The following KHDRBS2 variants were observed in gnomAD, a reference collection of about 807,000 sequenced individuals.
KHDRBS2 encodes the protein KH RNA binding domain containing, signal transduction associated 2.
Under a neutral mutation model 44.3 loss-of-function variants are expected in KHDRBS2, and 26 were observed. The observed-to-expected ratio is 0.59, with a 90% CI of 0.43 to 0.81. KHDRBS2 has a LOEUF of 0.81. KHDRBS2 is among the 40% of genes least tolerant of loss of function. The probability of loss-of-function intolerance (pLI) is 0.00; values close to 1 mark genes in which losing one functional copy is unlikely to be tolerated. For synonymous variants in KHDRBS2, 194 were observed against 151.1 expected, an observed-to-expected ratio of 1.28 and a Z score of -2.08; for missense variants, 476 against 433.1, an observed-to-expected ratio of 1.10 and a Z score of -0.88.
chr6:62,222,395 G>A (rs1831052930), intron 1 of KHDRBS2, among the ~76,000 whole-genome samples: 1 of 152,086 alleles, frequency 6.6e-6, no homozygotes, highest in Non-Finnish European at 1.5e-5. Context: ...CATGGCGGGA[G>A]GTGAAAAGCA....
At chr6:62,275,030 C>CAA (rs996105173) in intron 1 of KHDRBS2, among the ~76,000 whole-genome samples, 4 of 151,426 alleles carry the variant, frequency 2.6e-5, no homozygotes, top group Non-Finnish European at 5.9e-5. Flanking sequence ...CACACACACA[C>CAA]ACACACACAC....
chr6:61,950,327 G>A (rs991766533), intron 4 of KHDRBS2, among the ~76,000 whole-genome samples: 8 of 151,982 alleles, frequency 5.3e-5, no homozygotes, highest in African/African-American at 1.9e-4. Context: ...AATCACTACT[G>A]ATATCACCAA....
intron 1 of KHDRBS2, among the ~76,000 whole-genome samples, chr6:62,190,381 G>T (rs769380161): frequency 6.6e-6 from 1 of 152,120 alleles, no homozygotes; most frequent in Non-Finnish European, 1.5e-5. Flanking sequence ...CTACACCTCA[G>T]TAGGGTTACC....
At chr6:61,997,863 G>A (rs923005017) in intron 3 of KHDRBS2, among the ~76,000 whole-genome samples, 2 of 152,096 alleles carry the variant, frequency 1.3e-5, no homozygotes, top group Non-Finnish European at 2.9e-5. Flanking sequence ...GAAATGTACA[G>A]TACTACAGAA....
intron 2 of KHDRBS2, among the ~76,000 whole-genome samples, chr6:62,138,273 G>A (rs753300295): frequency 3.3e-5 from 5 of 152,150 alleles, no homozygotes; most frequent in Non-Finnish European, 7.4e-5. Flanking sequence ...AATTGCCACT[G>A]TTTTTCAACA....
chr6:61,954,589 T>TGTATATACACATACATACTTATGTATAC (rs1765709504), intron 4 of KHDRBS2, among the ~76,000 whole-genome samples: 2 of 139,148 alleles, frequency 1.4e-5, no homozygotes, highest in Non-Finnish European at 3.1e-5. Context: ...CATATTTATG[T>TGTATATACACATACATACTTATGTATAC]ATATATACAC....
Position 62,231,578 on chromosome 6 carries a change from G to A in KHDRBS2, c.92-54266C>T, listed in dbSNP as rs146956653. On this transcript the variant is annotated intron_variant, in intron 1 of 8. Transcript: ENST00000281156. ...CACAAGAGCCAAACCATATTACCCC[G>A]CAATATAAAACATGCCAAGATTATT... is the stretch of plus-strand genomic sequence containing the variant. Among the ~76,000 whole-genome samples the A allele has an allele frequency of 5.5e-4, 83 of 152,078 alleles. 1 individual carries two copies. Among genetic ancestry groups the A allele is most frequent in the African/African-American group, 1.7e-3 (70 of 41,480 alleles).
At chr6:62,044,246 C>T (rs764025623) in intron 3 of KHDRBS2, among the ~76,000 whole-genome samples, 1 of 151,928 alleles carries the variant, frequency 6.6e-6, no homozygotes, top group South Asian at 2.1e-4. Context: ...AGGAGGATCA[C>T]TTGAGGATCA....
At chr6:62,111,759 G>A (rs1805045285) in intron 2 of KHDRBS2, among the ~76,000 whole-genome samples, 1 of 152,038 alleles carries the variant, frequency 6.6e-6, no homozygotes, top group African/African-American at 2.4e-5. Context: ...GCACACTTCT[G>A]TAGTCCTAGC....
intron 2 of KHDRBS2, among the ~76,000 whole-genome samples, chr6:62,118,726 C>T (rs1403557275): frequency 2.0e-5 from 3 of 152,138 alleles, no homozygotes; most frequent in Admixed American, 6.5e-5. Flanking sequence ...GCAGAGTCTT[C>T]CAGCCTTCAT....
chr6:61,613,798 C>T, the KHDRBS2 span, among the ~76,000 whole-genome samples: 1 of 45,850 alleles, frequency 2.2e-5, no homozygotes, highest in Non-Finnish European at 6.2e-5. Context: ...TGGCATTCTA[C>T]AGCAATCTTA....
At chr6:61,722,830 C>G in intron 7 of KHDRBS2, among the ~76,000 whole-genome samples, 1 of 152,062 alleles carries the variant, frequency 6.6e-6, no homozygotes, top group African/African-American at 2.4e-5. Flanking sequence ...CTGCCTCAGC[C>G]TCCTCAGTAG....
intron 2 of KHDRBS2, among the ~76,000 whole-genome samples, chr6:62,151,810 TAAAG>T (rs894417184): frequency 6.6e-6 from 1 of 152,156 alleles, no homozygotes; most frequent in Non-Finnish European, 1.5e-5. Flanking sequence ...TAATTTCAAA[TAAAG>T]ATAGAGTGTA....
At chr6:62,234,166 C>A (rs1298716616) in intron 1 of KHDRBS2, among the ~76,000 whole-genome samples, 2 of 151,946 alleles carry the variant, frequency 1.3e-5, no homozygotes, top group African/African-American at 4.8e-5. Flanking sequence ...AAAACAGCAC[C>A]CTTCTATGCT....
intron 1 of KHDRBS2, among the ~76,000 whole-genome samples, chr6:62,238,367 C>T (rs1834044704): frequency 6.6e-6 from 1 of 151,984 alleles, no homozygotes; most frequent in African/African-American, 2.4e-5. Context: ...TAAGAAACTC[C>T]CAAACTGTTT....
intron 6 of KHDRBS2, among the ~76,000 whole-genome samples, chr6:61,869,585 T>C (rs953092679): frequency 8.5e-5 from 13 of 152,066 alleles, no homozygotes; most frequent in African/African-American, 2.7e-4. Flanking sequence ...GATGGTAAAA[T>C]AGGAACAGCT....
intron 6 of KHDRBS2, among the ~76,000 whole-genome samples, chr6:61,736,476 T>C (rs1419728663): frequency 1.3e-5 from 2 of 152,212 alleles, no homozygotes; most frequent in East Asian, 3.9e-4. Context: ...AACTTCTTTT[T>C]AGGAATCGGG....
the KHDRBS2 span, among the ~76,000 whole-genome samples, chr6:61,628,299 G>T: frequency 2.6e-5 from 3 of 114,618 alleles, no homozygotes; most frequent in African/African-American, 1.0e-4. Flanking sequence ...AATCTATTCT[G>T]TATTTCCCAG....
At chr6:61,932,575 C>T (rs1014908363) in intron 4 of KHDRBS2, among the ~76,000 whole-genome samples, 24 of 152,008 alleles carry the variant, frequency 1.6e-4, no homozygotes, top group African/African-American at 5.1e-4. Flanking sequence ...CTGAGGCAGG[C>T]GGATCACGAG....
Sources: gnomAD v4.1 joint callset for allele counts (sites outside exome capture counted in the v4.1 genomes callset) on GRCh38, gnomAD v4.1.1 for gene constraint, MANE v1.5 for transcripts, NCBI Gene and HGNC (gene_info 2026-07-23, HGNC 2026-07-21) for gene names.